ATG10: variants seen among roughly 807,000 people sequenced by gnomAD.
The protein encoded by ATG10 is ubiquitin-like-conjugating enzyme ATG10.
Under a neutral mutation model 32.1 loss-of-function variants are expected in ATG10, and 30 were observed. The ratio of observed to expected loss-of-function variants is 0.94; its 90% CI spans 0.70 to 1.27. ATG10 has a LOEUF of 1.27. Among genes scored for constraint, ATG10 ranks in the 50% most tolerant of loss-of-function variants. The pLI is 0.00. For missense variants in ATG10, 233 were observed against 262.3 expected, an observed-to-expected ratio of 0.89 and a Z score of 0.77; for synonymous variants, 87 against 91.5, an observed-to-expected ratio of 0.95 and a Z score of 0.28.
Position 82,170,544 on chromosome 5 carries a change from G to A in ATG10, c.355+6007G>A, listed in dbSNP as rs184892182. ...GGTATAGAGTAATATAGTAGTAATA[G>A]GTCCATGATGTGGGGATAATGTTTG... On this transcript the variant is annotated intron_variant, in intron 4 of 7. Coordinates refer to ENST00000282185, the MANE Select transcript of ATG10 (RefSeq NM_031482.5). Among the ~76,000 whole-genome samples the A allele has an allele frequency of 3.5e-3, 515 of 148,268 alleles. 10 individuals carry two copies. The highest frequency in any genetic ancestry group is 7.8e-4 in the Non-Finnish European group (53 of 68,006).
chr5:82,014,347 A>T (rs1040545800), intron 2 of ATG10, among the ~76,000 whole-genome samples: 30 of 152,052 alleles, frequency 2.0e-4, no homozygotes, highest in African/African-American at 7.0e-4. Context: ...TATTAGGTCC[A>T]CTTGGTGCAG....
intron 3 of ATG10, among the ~76,000 whole-genome samples, chr5:82,146,613 G>GA: frequency 7.3e-6 from 1 of 136,120 alleles, no homozygotes; most frequent in East Asian, 2.1e-4. Context: ...ATTTTCTTTT[G>GA]TTTTTTTTTT....
intron 5 of ATG10, among the ~76,000 whole-genome samples, chr5:82,240,358 T>C (rs1313944788): frequency 6.6e-6 from 1 of 152,236 alleles, no homozygotes. Flanking sequence ...AAATCTGTCA[T>C]TTGCAATAAC....
rs80275599 is a variant in ATG10, at chr5:82,172,312, C to T, written c.356-6178C>T. 4.6e-3 allele frequency among the ~76,000 whole-genome samples: 698 copies of T among 152,208 alleles called. 3 individuals are homozygous for T. Among genetic ancestry groups the T allele is most frequent in the Non-Finnish European group, 8.1e-3 (554 of 67,994 alleles). ...AAGCGCATGGTCTAGAGTCAGAAAACTTTAGTTCTGATTCCTAGCTCTGCT... is the reference window on the plus strand; with the variant it reads ...AAGCGCATGGTCTAGAGTCAGAAAATTTTAGTTCTGATTCCTAGCTCTGCT... On this transcript the variant is annotated intron_variant, in intron 4 of 7. Transcript: ENST00000282185.
chr5:82,236,781 T>A (rs1188073149), intron 5 of ATG10, among the ~76,000 whole-genome samples: 1 of 152,212 alleles, frequency 6.6e-6, no homozygotes, highest in African/African-American at 2.4e-5. Context: ...GCCAAAAATG[T>A]CAACAGGGGC....
At chr5:81,988,404 C>G (rs911155031) in intron 2 of ATG10, among the ~76,000 whole-genome samples, 7 of 151,704 alleles carry the variant, frequency 4.6e-5, no homozygotes, top group Non-Finnish European at 8.8e-5. Flanking sequence ...CTCCCAAAGT[C>G]CTGGGATTAT....
At chr5:82,001,718 G>A (rs556021196) in intron 2 of ATG10, among the ~76,000 whole-genome samples, 93 of 152,234 alleles carry the variant, frequency 6.1e-4, no homozygotes, top group Non-Finnish European at 8.7e-4. Flanking sequence ...TATTTTGGAC[G>A]TAGAACTGGG....
At chr5:81,993,619 G>A (rs1761572790) in intron 2 of ATG10, among the ~76,000 whole-genome samples, 1 of 151,010 alleles carries the variant, frequency 6.6e-6, no homozygotes. Flanking sequence ...GTAGAGATGG[G>A]GTTTCACGAT....
At chr5:82,048,760 G>A (rs9687939) in intron 2 of ATG10, among the ~76,000 whole-genome samples, 150,081 of 152,150 alleles carry the variant, frequency 0.99, 74,045 homozygotes, top group Middle Eastern at 1. Flanking sequence ...ACACTTCTCA[G>A]AAGAAGACAT....
chr5:82,215,344 C>T (rs556291955), intron 5 of ATG10, among the ~76,000 whole-genome samples: 1 of 152,246 alleles, frequency 6.6e-6, no homozygotes, highest in African/African-American at 2.4e-5. Flanking sequence ...CCTTTTGTAA[C>T]CTAGTAATGG....
chr5:82,248,616 G>C (rs1206552711), intron 5 of ATG10, among the ~76,000 whole-genome samples: 1 of 152,120 alleles, frequency 6.6e-6, no homozygotes, highest in African/African-American at 2.4e-5. Flanking sequence ...GTTAGTTTTT[G>C]ACAATTTTGT....
chr5:82,063,188 A>G (rs896276490), intron 3 of ATG10, among the ~76,000 whole-genome samples: 2 of 152,046 alleles, frequency 1.3e-5, no homozygotes, highest in Admixed American at 1.3e-4. Flanking sequence ...GCCTGGTGGC[A>G]TGCACCTGTA....
chr5:82,052,696 A>G (rs1314357517), intron 2 of ATG10, among the ~76,000 whole-genome samples: 1 of 152,170 alleles, frequency 6.6e-6, no homozygotes, highest in Admixed American at 6.6e-5. Flanking sequence ...TTCAGTGTAC[A>G]CATAGCCTGT....
At chr5:82,079,573 T>A (rs1336517860) in intron 3 of ATG10, among the ~76,000 whole-genome samples, 28 of 151,898 alleles carry the variant, frequency 1.8e-4, no homozygotes, top group Admixed American at 1.8e-3. Context: ...TGTCCAAGTG[T>A]TCTCATTGTT....
chr5:82,226,924 A>G (rs998234107), intron 5 of ATG10, among the ~76,000 whole-genome samples: 1 of 152,236 alleles, frequency 6.6e-6, no homozygotes, highest in Non-Finnish European at 1.5e-5. Context: ...TTCAAGGGTT[A>G]AAATAATTTA....
chr5:82,176,071 C>T (rs1029253364), intron 4 of ATG10, among the ~76,000 whole-genome samples: 12 of 152,160 alleles, frequency 7.9e-5, no homozygotes, highest in Admixed American at 3.3e-4. Flanking sequence ...TCCATACTTA[C>T]ATTGTTGCCT....
At chr5:82,117,287 T>C (rs1347292921) in intron 3 of ATG10, among the ~76,000 whole-genome samples, 1 of 152,116 alleles carries the variant, frequency 6.6e-6, no homozygotes, top group African/African-American at 2.4e-5. Context: ...GGTTTGAGTA[T>C]GGACAGTTTT....
At chr5:82,193,342 A>G (rs1225970681) in intron 5 of ATG10, among the ~76,000 whole-genome samples, 1 of 152,220 alleles carries the variant, frequency 6.6e-6, no homozygotes, top group Non-Finnish European at 1.5e-5. Flanking sequence ...CCTCTCATCA[A>G]TAGGCTCATT....
chr5:82,164,511 T>C lies in ATG10; in HGVS notation c.329T>C (p.Val110Ala). Residue 110 changes from valine (V) to alanine (A), a missense_variant, in exon 4 of 8, where the codon GTA becomes GCA. Physicochemically the swap from Val to Ala is moderately conservative, Grantham distance 64. Coordinates refer to ENST00000282185, the MANE Select transcript of ATG10 (RefSeq NM_031482.5). ...VLYSCSYQVP[V>A]LYFRASFLDG... ...TATTCCTGTAGCTACCAAGTGCCTG[T>C]ACTTTACTTTAGGGCAAGCTTTTTA... is the stretch of plus-strand genomic sequence containing the variant. 3.1e-6 allele frequency: 5 copies of C among 1,613,392 alleles called. 1 individual carries two copies. In the South Asian group the frequency reaches 5.5e-5, roughly 18 times the overall value.
Sources: gnomAD v4.1 joint callset for allele counts (sites outside exome capture counted in the v4.1 genomes callset) on GRCh38, gnomAD v4.1.1 for gene constraint, MANE v1.5 for transcripts, NCBI Gene and HGNC (gene_info 2026-07-23, HGNC 2026-07-21) for gene names.